The following CAST variants were observed in gnomAD, a reference collection of about 807,000 sequenced individuals.
CAST encodes the protein calpastatin.
In CAST, 76 loss-of-function variants were observed where a neutral mutation model predicts 119.6. The observed-to-expected ratio is 0.64, with a 90% CI of 0.53 to 0.77. CAST has a LOEUF of 0.77. Among genes scored for constraint, CAST ranks in the 30% least tolerant of loss-of-function variants. The pLI is 0.00. For missense variants in CAST, 953 were observed against 946.5 expected (o/e 1.01, Z -0.09); for synonymous variants, 319 against 331.6 (o/e 0.96, Z 0.41).
the CAST span, among the ~76,000 whole-genome samples, chr5:96,187,143 G>T: frequency 6.6e-6 from 1 of 152,130 alleles, no homozygotes; most frequent in African/African-American, 2.4e-5. Flanking sequence ...GCATAGAGGT[G>T]CTTATAGTAT....
intron 3 of CAST, 34 bp from the exon 4 acceptor site, chr5:96,722,605 A>G: frequency 6.6e-7 from 1 of 1,523,410 alleles, no homozygotes; most frequent in Non-Finnish European, 9.1e-7. Context: ...GGTTAAATAG[A>G]ATCGAACTTT....
At chr5:96,625,257 T>G (rs919670703) in intron 1 of CAST, among the ~76,000 whole-genome samples, 7 of 152,180 alleles carry the variant, frequency 4.6e-5, no homozygotes, top group Admixed American at 3.3e-4. Flanking sequence ...TTGTTAAATT[T>G]TATTCTCTCT....
the CAST span, among the ~76,000 whole-genome samples, chr5:96,089,939 C>T: frequency 2.6e-5 from 4 of 152,184 alleles, no homozygotes; most frequent in Non-Finnish European, 5.9e-5. Flanking sequence ...TCTGACTGGG[C>T]TTTGGAGTCA....
the CAST span, among the ~76,000 whole-genome samples, chr5:96,485,595 G>A: frequency 1.1e-4 from 16 of 152,070 alleles, no homozygotes; most frequent in African/African-American, 2.7e-4. Context: ...TGAATAGTTC[G>A]AACCTGGGAC....
At chr5:96,113,320 C>G in the CAST span, among the ~76,000 whole-genome samples, 4,227 of 152,164 alleles carry the variant, frequency 0.028, 180 homozygotes, top group African/African-American at 0.096. Flanking sequence ...GTGGGTAATC[C>G]AACCCCTTCC....
the CAST span, among the ~76,000 whole-genome samples, chr5:96,251,201 G>A: frequency 6.6e-6 from 1 of 152,188 alleles, no homozygotes. Context: ...TGCAAATGTA[G>A]TAGGTCCATA....
In CAST at chr5:96,741,283, T is replaced by C; in HGVS notation, c.936T>C (p.Asp312=). Residue 312 remains aspartate (D), a synonymous_variant, in exon 14 of 32, where the codon GAT becomes GAC. Coordinates refer to ENST00000675179, the MANE Select transcript of CAST (RefSeq NM_001750.7). ...PADSSKPIGP[D]DAIDALSSDF... is the part of the protein sequence containing the mutation. ...TTCTTTAGAAACCCATAGGGCCAGATGATGCTATAGACGCCTTGTCATCTG... is the reference window on the plus strand; with the variant it reads ...TTCTTTAGAAACCCATAGGGCCAGACGATGCTATAGACGCCTTGTCATCTG... 6.2e-7 allele frequency: 1 copy of C among 1,611,774 alleles called. No individual in the cohort carries two copies. The highest frequency in any genetic ancestry group is 8.5e-7 in the Non-Finnish European group (1 of 1,177,928).
the CAST span, among the ~76,000 whole-genome samples, chr5:96,080,834 A>G: frequency 0.63 from 95,799 of 151,866 alleles, 30,570 homozygotes; most frequent in African/African-American, 0.69. Context: ...TCTCTTTAAA[A>G]CCTTCCCCAA....
chr5:95,989,859 G>C, the CAST span, among the ~76,000 whole-genome samples: 1 of 152,098 alleles, frequency 6.6e-6, no homozygotes, highest in Non-Finnish European at 1.5e-5. Context: ...TGATTTACAA[G>C]ATCTTGTTGT....
chr5:96,150,108 A>C, the CAST span, among the ~76,000 whole-genome samples: 2 of 152,166 alleles, frequency 1.3e-5, no homozygotes, highest in Non-Finnish European at 2.9e-5. Flanking sequence ...CAAGGTCCCT[A>C]CCTCCTGGAG....
the CAST span, among the ~76,000 whole-genome samples, chr5:96,011,564 T>C: frequency 1.3e-5 from 2 of 152,186 alleles, no homozygotes; most frequent in South Asian, 2.1e-4. Context: ...TCCTGTTCCA[T>C]TAATGTATTC....
At chr5:96,474,912 A>AT in the CAST span, among the ~76,000 whole-genome samples, 1 of 152,196 alleles carries the variant, frequency 6.6e-6, no homozygotes, top group Non-Finnish European at 1.5e-5. Flanking sequence ...AGACTGCCTT[A>AT]TGGAAAGAGA....
At chr5:96,616,576 A>G (rs1188109625) in intron 1 of CAST, among the ~76,000 whole-genome samples, 8 of 152,112 alleles carry the variant, frequency 5.3e-5, no homozygotes, top group Non-Finnish European at 1.0e-4. Context: ...AGGCACTGGT[A>G]CCATCTTCAC....
At chr5:96,179,495 T>C in the CAST span, among the ~76,000 whole-genome samples, 1 of 152,224 alleles carries the variant, frequency 6.6e-6, no homozygotes, top group African/African-American at 2.4e-5. Context: ...TAATACATCA[T>C]GTATCTTGAG....
chr5:96,089,066 CTTT>C, the CAST span, among the ~76,000 whole-genome samples: 108 of 117,672 alleles, frequency 9.2e-4, no homozygotes, highest in African/African-American at 1.3e-3. Flanking sequence ...CTCCAAAAAT[CTTT>C]TTTTTTTTTT....
At chr5:96,116,588 T>G in the CAST span, among the ~76,000 whole-genome samples, 10,199 of 152,288 alleles carry the variant, frequency 0.067, 581 homozygotes, top group East Asian at 0.25. Context: ...ATTGTCAGTC[T>G]TTTTAACTTT....
the CAST span, among the ~76,000 whole-genome samples, chr5:96,188,324 G>T: frequency 1.3e-5 from 2 of 152,032 alleles, no homozygotes; most frequent in East Asian, 1.9e-4. Flanking sequence ...TTTTTCCAAT[G>T]GATCTTTCCA....
At chr5:96,444,531 C>CT in the CAST span, among the ~76,000 whole-genome samples, 2 of 137,968 alleles carry the variant, frequency 1.4e-5, no homozygotes, top group Non-Finnish European at 3.1e-5. Context: ...AAAAATTATT[C>CT]TTTATCTTAT....
chr5:96,435,345 T>G, the CAST span, among the ~76,000 whole-genome samples: 1 of 152,214 alleles, frequency 6.6e-6, no homozygotes, highest in South Asian at 2.1e-4. Flanking sequence ...AAGTAAACTC[T>G]CACAAAAAGA....
Sources: gnomAD v4.1 joint callset for allele counts (sites outside exome capture counted in the v4.1 genomes callset) on GRCh38, gnomAD v4.1.1 for gene constraint, MANE v1.5 for transcripts, NCBI Gene and HGNC (gene_info 2026-07-23, HGNC 2026-07-21) for gene names.